CD44: variants seen among roughly 807,000 people sequenced by gnomAD.
CD44 encodes CD44 molecule (IN blood group), also known as CD44 antigen.
CD44 carries 49 observed loss-of-function variants against 88.8 expected under a neutral mutation model. That is an observed-to-expected ratio of 0.55 (90% confidence interval 0.44 to 0.70). The LOEUF (loss-of-function observed/expected upper bound fraction) is 0.70. Among genes scored for constraint, CD44 ranks in the 30% least tolerant of loss-of-function variants. The probability of loss-of-function intolerance (pLI) is 0.00; values close to 1 mark genes in which losing one functional copy is unlikely to be tolerated. For missense variants in CD44, 883 were observed against 913.8 expected (o/e 0.97, Z 0.43); for synonymous variants, 325 against 312.3 (o/e 1.04, Z -0.43).
chr11:35,168,912 C>T (rs148186286), intron 1 of CD44, among the ~76,000 whole-genome samples: 1 of 152,324 alleles, frequency 6.6e-6, no homozygotes, highest in Non-Finnish European at 1.5e-5. Context: ...TGATAGCTTG[C>T]ACATTCAGAC....
At chr11:35,217,609 CT>C (rs1163888181) in intron 15 of CD44, among the ~76,000 whole-genome samples, 1 of 152,202 alleles carries the variant, frequency 6.6e-6, no homozygotes, top group Non-Finnish European at 1.5e-5. Context: ...GTTTTGCTCC[CT>C]TTTAAGTTTT....
At chr11:35,227,867 G>A (rs950652397) in intron 17 of CD44, among the ~76,000 whole-genome samples, 1 of 152,182 alleles carries the variant, frequency 6.6e-6, no homozygotes, top group African/African-American at 2.4e-5. Context: ...TTTGAATATT[G>A]GCTCTGTCAT....
At chr11:35,221,379 A>T (rs920500954) in intron 16 of CD44, among the ~76,000 whole-genome samples, 4 of 152,214 alleles carry the variant, frequency 2.6e-5, no homozygotes, top group African/African-American at 9.6e-5. Flanking sequence ...AGATTCAACA[A>T]GTCATCCTGT....
intron 7 of CD44, chr11:35,198,558 T>C (rs551949610): frequency 7.6e-6 from 2 of 264,160 alleles, no homozygotes; most frequent in African/African-American, 4.4e-5. Context: ...ACAAAAAATG[T>C]ACATTGTGTA....
rs74986198 is a variant in CD44, at chr11:35,201,212, A to G, written c.1036+17A>G. ...GGATGACTGGTAATGGGTTCTGCATATTTAATGAAAGATTTTTTTCCCCTC... is the reference window on the plus strand; with the variant it reads ...GGATGACTGGTAATGGGTTCTGCATGTTTAATGAAAGATTTTTTTCCCCTC... On this transcript the variant is annotated intron_variant, in intron 8 of 17. Transcript: ENST00000428726. 4.6e-3 allele frequency: 7,088 copies of G among 1,543,940 alleles called. 270 individuals carry two copies. The African/African-American group carries it at 0.085, about 19-fold the overall frequency.
chr11:35,215,975 A>G (rs1459253504), intron 15 of CD44, among the ~76,000 whole-genome samples: 1 of 150,806 alleles, frequency 6.6e-6, no homozygotes, highest in Non-Finnish European at 1.5e-5. Context: ...ACTCTGTGAC[A>G]TAGGTAAGTA....
At chr11:35,191,624 G>A (rs1565102146) in intron 5 of CD44, among the ~76,000 whole-genome samples, 2 of 152,170 alleles carry the variant, frequency 1.3e-5, no homozygotes, top group Admixed American at 6.5e-5. Context: ...AGTGGTCTCA[G>A]CAGGAAGGAG....
intron 9 of CD44, among the ~76,000 whole-genome samples, chr11:35,204,049 G>A (rs904425509): frequency 2.6e-5 from 4 of 152,150 alleles, no homozygotes; most frequent in South Asian, 2.1e-4. Context: ...CAGTGTGTGC[G>A]ATTATGGGTT....
intron 5 of CD44, among the ~76,000 whole-genome samples, chr11:35,196,309 C>T (rs1946738829): frequency 6.6e-6 from 1 of 152,194 alleles, no homozygotes; most frequent in Non-Finnish European, 1.5e-5. Flanking sequence ...GAACATTCCT[C>T]TTCCTGAAAT....
At chr11:35,161,988 C>T (rs1306402033) in intron 1 of CD44, among the ~76,000 whole-genome samples, 1 of 152,290 alleles carries the variant, frequency 6.6e-6, no homozygotes, top group East Asian at 1.9e-4. Context: ...ATATTATCCT[C>T]TTTTATTTTC....
At chr11:35,173,049 A>G (rs1256562657) in intron 1 of CD44, among the ~76,000 whole-genome samples, 2 of 152,232 alleles carry the variant, frequency 1.3e-5, no homozygotes, top group African/African-American at 4.8e-5. Flanking sequence ...CTCAGCCTCA[A>G]TTGGTTCCTC....
chr11:35,162,778 T>C (rs972135488), intron 1 of CD44, among the ~76,000 whole-genome samples: 11 of 152,040 alleles, frequency 7.2e-5, no homozygotes, highest in African/African-American at 2.7e-4. Flanking sequence ...GGAAAGTTTG[T>C]GTAACTCCCC....
chr11:35,149,933 C>T (rs1859980936), intron 1 of CD44, among the ~76,000 whole-genome samples: 1 of 152,196 alleles, frequency 6.6e-6, no homozygotes, highest in African/African-American at 2.4e-5. Flanking sequence ...TCCTCTAGAC[C>T]ATGTGGAAGG....
chr11:35,167,268 GTGTTTT>G (rs1455372679), intron 1 of CD44, among the ~76,000 whole-genome samples: 1 of 152,064 alleles, frequency 6.6e-6, no homozygotes, highest in African/African-American at 2.4e-5. Flanking sequence ...GTGTGTGTGT[GTGTTTT>G]TGTTTTTGTT....
At chr11:35,170,138 C>T (rs1411293791) in intron 1 of CD44, among the ~76,000 whole-genome samples, 1 of 152,130 alleles carries the variant, frequency 6.6e-6, no homozygotes, top group Admixed American at 6.5e-5. Context: ...GTCCCATAAA[C>T]CCTGACAGGT....
At chr11:35,206,667 G>GGAA (rs202068665) in intron 11 of CD44, among the ~76,000 whole-genome samples, 2 of 64,588 alleles carry the variant, frequency 3.1e-5, no homozygotes, top group Non-Finnish European at 8.7e-5. Flanking sequence ...GGTGGGGGTT[G>GGAA]GTGGGGGGGG....
intron 3 of CD44, among the ~76,000 whole-genome samples, chr11:35,180,773 G>T (rs574001551): frequency 1.3e-5 from 2 of 152,130 alleles, no homozygotes; most frequent in Admixed American, 1.3e-4. Flanking sequence ...GAAAGTTTAC[G>T]GGTTTGTGTT....
chr11:35,160,012 G>A (rs376573381), intron 1 of CD44, among the ~76,000 whole-genome samples: 7 of 152,152 alleles, frequency 4.6e-5, no homozygotes, highest in African/African-American at 1.4e-4. Context: ...AAAGGAGGTG[G>A]TGGAAACTTT....
intron 5 of CD44, among the ~76,000 whole-genome samples, chr11:35,196,534 AT>A (rs34986068): frequency 0.73 from 111,363 of 152,016 alleles, 41,654 homozygotes; most frequent in East Asian, 0.93. Flanking sequence ...ACCAGATGAC[AT>A]TTAAGATCCT....
Sources: allele counts gnomAD v4.1 joint callset (sites outside exome capture counted in the v4.1 genomes callset), GRCh38; gene constraint gnomAD v4.1.1; transcripts MANE v1.5; gene names NCBI Gene and HGNC (gene_info 2026-07-23, HGNC 2026-07-21).